Variants in RHOQ observed in about 807,000 individuals in gnomAD.
RHOQ encodes the protein rho-related GTP-binding protein RhoQ.
In RHOQ, 7 loss-of-function variants were observed where a neutral mutation model predicts 25.8. The ratio of observed to expected loss-of-function variants is 0.27; its 90% confidence interval spans 0.15 to 0.51. RHOQ has a LOEUF of 0.51. RHOQ is among the 20% of genes least tolerant of loss of function. The pLI is 0.97. For missense variants in RHOQ, 165 were observed against 260.6 expected, an observed-to-expected ratio of 0.63 and a Z score of 2.53; for synonymous variants, 97 against 98.6, an observed-to-expected ratio of 0.98 and a Z score of 0.10.
rs17035301 is a variant in RHOQ, at chr2:46,575,194, G to T, written c.202-893G>T. 9.2e-4 allele frequency among the ~76,000 whole-genome samples: 140 copies of T among 152,264 alleles called. 3 individuals are homozygous for T. The East Asian group carries it at 0.014, about 15-fold the overall frequency. ...CTAACGTATTCTGATTTAGAAAGAT[G>T]TCCAAGACAAAGAAAGTGCAGAACA... On this transcript the variant is annotated intron_variant, in intron 2 of 4. Coordinates refer to ENST00000238738, the MANE Select transcript of RHOQ (RefSeq NM_012249.4).
intron 2 of RHOQ, among the ~76,000 whole-genome samples, chr2:46,554,616 C>T (rs1214351387): frequency 6.6e-6 from 1 of 152,100 alleles, no homozygotes; most frequent in Admixed American, 6.5e-5. Flanking sequence ...TCTGTGTTAA[C>T]ATTCCCCAGG....
At position 46,581,791 on chromosome 2, in the gene RHOQ, G is replaced by C. The variant is rs532112767; in HGVS notation, c.*708G>C. The C allele has an allele frequency of 6.3e-6, 4 of 637,642 alleles. No individual in the cohort carries two copies. Among genetic ancestry groups the C allele is most frequent in the Non-Finnish European group, 9.3e-6 (4 of 432,208 alleles). The allele number at this position is 637,642 out of a possible 1,614,324, so 39.5% of individuals were successfully genotyped here. ...TTAATGTGCATTAAACTGTAACAAG[G>C]CTTCTGGCAATTGTAGATTTAGTTT... On this transcript the variant is annotated 3_prime_UTR_variant, in exon 5 of 5. Transcript: ENST00000238738.
chr2:46,578,330 A>T (rs1338273150), intron 4 of RHOQ, among the ~76,000 whole-genome samples: 1 of 152,070 alleles, frequency 6.6e-6, no homozygotes, highest in Non-Finnish European at 1.5e-5. Flanking sequence ...AAGCAATTCC[A>T]TATGTAAGAG....
chr2:46,573,990 A>C (rs562701787), intron 2 of RHOQ, among the ~76,000 whole-genome samples: 1 of 152,280 alleles, frequency 6.6e-6, no homozygotes, highest in East Asian at 1.9e-4. Context: ...CTGTGATTGG[A>C]GGGAGCTGCA....
intron 2 of RHOQ, among the ~76,000 whole-genome samples, chr2:46,561,725 T>G (rs1390747888): frequency 6.6e-6 from 1 of 152,220 alleles, no homozygotes; most frequent in East Asian, 1.9e-4. Context: ...CATCTGTGCC[T>G]ACATTTGAGG....
chr2:46,580,701 T>C (rs2104043521), intron 4 of RHOQ: 2 of 370,782 alleles, frequency 5.4e-6, no homozygotes, highest in East Asian at 4.2e-5. Flanking sequence ...GCTTGACATA[T>C]AGTAGATACC....
In RHOQ at chr2:46,584,143, T is replaced by C. The variant is rs1669492438; in HGVS notation, c.*3060T>C. On this transcript the variant is annotated 3_prime_UTR_variant, in exon 5 of 5. Coordinates refer to ENST00000238738, the MANE Select transcript of RHOQ (RefSeq NM_012249.4). Reference sequence around the variant, plus strand: ...CCAAATTAAATACCAGTTTGTTGGTTGTTACTTTTAAATGATTGTTACTTT... The same window carrying C: ...CCAAATTAAATACCAGTTTGTTGGTCGTTACTTTTAAATGATTGTTACTTT... Among the ~76,000 whole-genome samples the C allele has an allele frequency of 6.6e-6, 1 of 152,208 alleles. No individual in the cohort carries two copies. The highest frequency in any genetic ancestry group is 2.4e-5 in the African/African-American group (1 of 41,462).
chr2:46,546,097 G>T (rs575194731), intron 2 of RHOQ, among the ~76,000 whole-genome samples: 1 of 151,996 alleles, frequency 6.6e-6, no homozygotes, highest in African/African-American at 2.4e-5. Context: ...AGCATTTGAG[G>T]GTTTATTACT....
At position 46,576,550 on chromosome 2, in the gene RHOQ, T is replaced by C. The variant is rs1485078346; in HGVS notation, c.367-11T>C. ...TAATATTATGGGACATTATTGACCTTTCTTAATTAGATTGATCTCCGAGAT... is the reference window on the plus strand; with the variant it reads ...TAATATTATGGGACATTATTGACCTCTCTTAATTAGATTGATCTCCGAGAT... On this transcript the variant is annotated splice_polypyrimidine_tract_variant and intron_variant, in intron 3 of 4. Coordinates refer to ENST00000238738, the MANE Select transcript of RHOQ (RefSeq NM_012249.4). The surrounding 1 kb of genome is among the most constrained non-coding windows in gnomAD (Gnocchi z 5.1). The C allele has an allele frequency of 6.5e-7, 1 of 1,543,460 alleles. No individual in the cohort carries two copies.
chr2:46,564,506 C>G (rs1232573109), intron 2 of RHOQ, among the ~76,000 whole-genome samples: 1 of 152,170 alleles, frequency 6.6e-6, no homozygotes, highest in Non-Finnish European at 1.5e-5. Context: ...GGAAGCCATC[C>G]TCGTCCTCAG....
At chr2:46,549,241 G>A (rs1668165306) in intron 2 of RHOQ, among the ~76,000 whole-genome samples, 2 of 152,174 alleles carry the variant, frequency 1.3e-5, no homozygotes, top group Non-Finnish European at 2.9e-5. Context: ...CTGAGGGGCC[G>A]GGGGAGTGAC....
At chr2:46,546,484 A>G (rs1335128988) in intron 2 of RHOQ, among the ~76,000 whole-genome samples, 11 of 22,332 alleles carry the variant, frequency 4.9e-4, no homozygotes, top group East Asian at 2.3e-3. Flanking sequence ...GTGTATATAT[A>G]TATATATATA....
rs1668399826 is a variant in RHOQ at position 46,556,010 on chromosome 2, C to A, written c.201+12198C>A. Among the ~76,000 whole-genome samples, 1 of 152,160 alleles carries A rather than the reference C, an allele frequency of 6.6e-6. No individual in the cohort carries two copies. The highest frequency in any genetic ancestry group is 2.1e-4 in the South Asian group (1 of 4,828). On this transcript the variant is annotated intron_variant, in intron 2 of 4. Transcript: ENST00000238738. This position sits in a 1 kb window ranked among gnomAD's most constrained non-coding sequence, Gnocchi z 4.9. ...ATTTTTTGAGGCATAATTCAGAGAACACTTTCATCACCCCAGAACGAAACC... is the reference window on the plus strand; with the variant it reads ...ATTTTTTGAGGCATAATTCAGAGAAAACTTTCATCACCCCAGAACGAAACC...
intron 2 of RHOQ, among the ~76,000 whole-genome samples, chr2:46,554,430 C>G (rs1235600226): frequency 1.3e-5 from 2 of 152,186 alleles, no homozygotes; most frequent in Admixed American, 1.3e-4. Context: ...AAACACCAAG[C>G]TATTTCTCTC....
chr2:46,583,706 G>T lies in RHOQ; in HGVS notation c.*2623G>T, dbSNP rs1669478966. 6.6e-6 allele frequency among the ~76,000 whole-genome samples: 1 copy of T among 152,094 alleles called. No individual in the cohort carries two copies. Among genetic ancestry groups the T allele is most frequent in the Admixed American group, 6.5e-5 (1 of 15,278 alleles). On this transcript the variant is annotated 3_prime_UTR_variant, in exon 5 of 5. Transcript: ENST00000238738. ...AAGCATGTCTTCATTCAAAGCTTAG[G>T]CTTCAATAGAAATTCAGACTAATCA...
intron 2 of RHOQ, among the ~76,000 whole-genome samples, chr2:46,567,108 C>T (rs573186378): frequency 2.0e-5 from 3 of 152,122 alleles, no homozygotes; most frequent in South Asian, 2.1e-4. Flanking sequence ...AGTATAACAT[C>T]CTGGCAGTGA....
At chr2:46,561,039 C>CAT (rs1267313686) in intron 2 of RHOQ, among the ~76,000 whole-genome samples, 36 of 136,296 alleles carry the variant, frequency 2.6e-4, no homozygotes, top group Non-Finnish European at 5.0e-4. Context: ...CACACACACA[C>CAT]ACAAAACCTG....
chr2:46,579,712 G>T (rs1333637379), intron 4 of RHOQ, among the ~76,000 whole-genome samples: 2 of 152,100 alleles, frequency 1.3e-5, no homozygotes, highest in African/African-American at 4.8e-5. Context: ...GCTGGGTGTG[G>T]TGGCACATGC....
chr2:46,574,325 A>G (rs1009449914), intron 2 of RHOQ, among the ~76,000 whole-genome samples: 1 of 148,618 alleles, frequency 6.7e-6, no homozygotes, highest in Non-Finnish European at 1.5e-5. Flanking sequence ...TGCTAAGATG[A>G]CATACTGTTT....
Sources: allele counts gnomAD v4.1 joint callset (sites outside exome capture counted in the v4.1 genomes callset), GRCh38; gene constraint gnomAD v4.1.1; non-coding constraint Gnocchi (gnomAD v3.1); transcripts MANE v1.5; gene names NCBI Gene and HGNC (gene_info 2026-07-23, HGNC 2026-07-21).